CFAP20: variants seen among roughly 807,000 people sequenced by gnomAD.
The protein encoded by CFAP20 is cilia and flagella associated protein 20.
Under a neutral mutation model 25.5 loss-of-function variants are expected in CFAP20, and 14 were observed. The ratio of observed to expected loss-of-function variants is 0.55; its 90% CI spans 0.36 to 0.86. The LOEUF (loss-of-function observed/expected upper bound fraction) is 0.86, where lower values mean the gene tolerates loss of function less well. Among genes scored for constraint, CFAP20 ranks in the 40% least tolerant of loss-of-function variants. The probability of loss-of-function intolerance (pLI) is 0.01; values close to 1 mark genes in which losing one functional copy is unlikely to be tolerated. For synonymous variants in CFAP20, 75 were observed against 91.1 expected (o/e 0.82, Z 1.01); for missense variants, 181 against 248.0 (o/e 0.73, Z 1.81).
At position 58,114,045 on chromosome 16, in the gene CFAP20, C is replaced by G; in HGVS notation, c.577-15G>C. 4 of 1,613,476 alleles carry G rather than the reference C, an allele frequency of 2.5e-6. No homozygotes were observed. The highest frequency in any genetic ancestry group is 3.4e-6 in the Non-Finnish European group (4 of 1,179,396). On this transcript the variant is annotated splice_polypyrimidine_tract_variant and intron_variant, in intron 5 of 5. Transcript: ENST00000262498. ...TCCAGTTATTGCTGAAGGGAAAAAA[C>G]AGAGAAGTGGCATCAGTTTAAGTTA...
intron 1 of CFAP20, among the ~76,000 whole-genome samples, chr16:58,127,470 C>CTG: frequency 6.6e-6 from 1 of 152,256 alleles, no homozygotes; most frequent in Non-Finnish European, 1.5e-5. Context: ...CCCCTCTCTT[C>CTG]ATGCCTTCTG....
chr16:58,115,523 G>A (rs1597086188), intron 3 of CFAP20, 66 bp from the exon 4 acceptor site: 2 of 1,559,624 alleles, frequency 1.3e-6, no homozygotes, highest in African/African-American at 2.7e-5. Flanking sequence ...ACCTTGTCCA[G>A]ACAAGGACCT....
At chr16:58,114,567 G>C (rs1054414843) in intron 5 of CFAP20, among the ~76,000 whole-genome samples, 3 of 151,636 alleles carry the variant, frequency 2.0e-5, no homozygotes, top group Non-Finnish European at 4.4e-5. Flanking sequence ...AGTTCTGTGA[G>C]CCAGTAGTAG....
At chr16:58,114,142 A>G in intron 5 of CFAP20, 112 bp from the exon 6 acceptor site, 1 of 1,140,168 alleles carries the variant, frequency 8.8e-7, no homozygotes, top group African/African-American at 1.5e-5. Context: ...GACTGTGGAG[A>G]ATGGACACAC....
intron 1 of CFAP20, among the ~76,000 whole-genome samples, chr16:58,122,583 A>G (rs549566517): frequency 6.6e-6 from 1 of 152,016 alleles, no homozygotes; most frequent in East Asian, 1.9e-4. Context: ...CTCTGTTTCA[A>G]AAAAAAAGAA....
At chr16:58,123,146 C>T (rs988306669) in intron 1 of CFAP20, among the ~76,000 whole-genome samples, 2 of 151,960 alleles carry the variant, frequency 1.3e-5, no homozygotes, top group African/African-American at 4.8e-5. Flanking sequence ...AGGCATGTGC[C>T]ACCATGCCCG....
At chr16:58,121,330 G>T (rs957397795) in intron 1 of CFAP20, among the ~76,000 whole-genome samples, 2 of 152,202 alleles carry the variant, frequency 1.3e-5, no homozygotes, top group Non-Finnish European at 2.9e-5. Flanking sequence ...CTGGGCAGGC[G>T]TGGCTTTGGG....
chr16:58,122,087 G>A (rs893245257), intron 1 of CFAP20, among the ~76,000 whole-genome samples: 3 of 152,180 alleles, frequency 2.0e-5, no homozygotes, highest in Non-Finnish European at 4.4e-5. Context: ...ATTAGGCAGA[G>A]GGAGACCCCT....
chr16:58,115,080 C>G, intron 4 of CFAP20, 160 bp from the exon 5 acceptor site: 1 of 966,078 alleles, frequency 1.0e-6, no homozygotes, highest in Non-Finnish European at 1.6e-6. Flanking sequence ...GTCTTACTTG[C>G]TGTATTCACC....
intron 4 of CFAP20, 105 bp from the exon 5 acceptor site, chr16:58,115,025 G>C: frequency 1.8e-6 from 2 of 1,093,842 alleles, no homozygotes; most frequent in Non-Finnish European, 2.7e-6. Context: ...GTCATCTCCG[G>C]CATCTCCTTG....
At chr16:58,116,188 G>A (rs1960456376) in intron 2 of CFAP20, 36 bp from the exon 3 acceptor site, 2 of 1,444,802 alleles carry the variant, frequency 1.4e-6, no homozygotes, top group African/African-American at 2.8e-5. Flanking sequence ...ACACACTCCT[G>A]GACTCTCTTC....
rs951371158 is a variant in CFAP20, at chr16:58,116,435, T to C, written c.165-283A>G. 5 of 337,070 alleles carry C rather than the reference T, an allele frequency of 1.5e-5. No homozygotes were observed. The Admixed American group carries it at 2.2e-4, about 15-fold the overall frequency. 20.9% of individuals were successfully genotyped at this position (337,070 alleles called of 1,614,324 possible). ...CTCCTCCAGTGAGAGAAGACCTCAA[T>C]TCTGGTCCAGGGGAGCCATCGAATG... is the stretch of plus-strand genomic sequence containing the variant. On this transcript the variant is annotated intron_variant, in intron 2 of 5. Transcript: ENST00000262498.
At chr16:58,118,195 T>A (rs1191026134) in intron 1 of CFAP20, among the ~76,000 whole-genome samples, 2 of 152,210 alleles carry the variant, frequency 1.3e-5, no homozygotes, top group South Asian at 4.1e-4. Context: ...AAAACAGGGC[T>A]GGGGCCAGGC....
intron 1 of CFAP20, chr16:58,119,460 T>G (rs989735597): frequency 3.3e-5 from 5 of 152,212 alleles, no homozygotes; most frequent in African/African-American, 1.2e-4. Context: ...CCCCGTGGAC[T>G]ATTATAGGAA....
rs771628374 is a variant in CFAP20 at position 58,114,833 on chromosome 16, G to C, written c.553C>G (p.Leu185Val). The C allele has an allele frequency of 3.7e-6, 6 of 1,613,842 alleles. No homozygotes were observed. The highest frequency in any genetic ancestry group is 1.3e-5 in the African/African-American group (1 of 75,024). ...ACCTTTGCCTTGTTCTGAACTGGGAGATACAGTTTGAACTCTGCCGGCAGC... is the reference window on the plus strand; with the variant it reads ...ACCTTTGCCTTGTTCTGAACTGGGACATACAGTTTGAACTCTGCCGGCAGC... ...DELPAEFKLY[L>V]PVQNKAKQ The change falls in exon 5 of 6, where the codon CTC becomes GTC. Residue 185 changes from leucine to valine, a missense_variant. Physicochemically the swap from Leu to Val is conservative, Grantham distance 32. Coordinates refer to ENST00000262498, the MANE Select transcript of CFAP20 (RefSeq NM_013242.3).
intron 1 of CFAP20, among the ~76,000 whole-genome samples, chr16:58,125,553 G>A (rs79240138): frequency 0.032 from 4,806 of 152,136 alleles, 103 homozygotes; most frequent in East Asian, 0.088. Flanking sequence ...GTGTGGTGGT[G>A]AGGGCCTGTA....
At chr16:58,118,757 G>A (rs1161047324) in intron 1 of CFAP20, among the ~76,000 whole-genome samples, 1 of 152,114 alleles carries the variant, frequency 6.6e-6, no homozygotes, top group East Asian at 1.9e-4. Flanking sequence ...GGGAGGTCGA[G>A]GCTGCAGTGA....
intron 1 of CFAP20, among the ~76,000 whole-genome samples, chr16:58,122,145 G>A (rs1235424126): frequency 2.0e-5 from 3 of 152,180 alleles, no homozygotes; most frequent in African/African-American, 7.2e-5. Context: ...AGGCTCCAAG[G>A]GTCAAAGGCT....
chr16:58,115,068 A>C, intron 4 of CFAP20, 148 bp from the exon 5 acceptor site: 3 of 965,826 alleles, frequency 3.1e-6, no homozygotes, highest in Non-Finnish European at 3.1e-6. Flanking sequence ...GGCAAGAGGG[A>C]GGTCTTACTT....
Sources: allele counts gnomAD v4.1 joint callset (sites outside exome capture counted in the v4.1 genomes callset), GRCh38; gene constraint gnomAD v4.1.1; transcripts MANE v1.5; gene names NCBI Gene and HGNC (gene_info 2026-07-23, HGNC 2026-07-21).